Variants in SENP6 observed in about 807,000 individuals in gnomAD.
SENP6 encodes the protein sentrin-specific protease 6.
SENP6 carries 41 observed loss-of-function variants against 134.5 expected under a neutral mutation model. That is an observed-to-expected ratio of 0.30 (90% confidence interval 0.24 to 0.40). The LOEUF (loss-of-function observed/expected upper bound fraction) is 0.40, where lower values mean the gene tolerates loss of function less well. Among genes scored for constraint, SENP6 ranks in the 10% least tolerant of loss-of-function variants. SENP6 has a pLI of 1.00. For missense variants in SENP6, 1,248 were observed against 1,312.5 expected (o/e 0.95, Z 0.76); for synonymous variants, 395 against 429.8 (o/e 0.92, Z 1.00).
chr6:75,675,697 G>C (rs949707943), intron 12 of SENP6, 163 bp from the exon 13 acceptor site: 2 of 829,302 alleles, frequency 2.4e-6, no homozygotes, highest in Middle Eastern at 2.3e-4. Context: ...GTTTCTTTAA[G>C]GCAGTTATAA....
At chr6:75,699,030 GA>G (rs565707653) in intron 18 of SENP6, among the ~76,000 whole-genome samples, 9 of 148,636 alleles carry the variant, frequency 6.1e-5, no homozygotes, top group East Asian at 2.0e-4. Flanking sequence ...AAAAGGAAAA[GA>G]AAAAAAAAGA....
intron 5 of SENP6, among the ~76,000 whole-genome samples, chr6:75,639,250 G>A (rs767273603): frequency 2.0e-5 from 3 of 151,934 alleles, no homozygotes; most frequent in Admixed American, 6.6e-5. Flanking sequence ...ATTTTGCTTC[G>A]CTTCTTTAAT....
At chr6:75,694,440 T>C (rs1032769013) in intron 16 of SENP6, among the ~76,000 whole-genome samples, 2 of 152,244 alleles carry the variant, frequency 1.3e-5, no homozygotes, top group African/African-American at 4.8e-5. Context: ...ATAACAGCTT[T>C]ACTTAGATAT....
intron 19 of SENP6, among the ~76,000 whole-genome samples, chr6:75,706,256 G>C (rs145728379): frequency 1.3e-5 from 2 of 152,056 alleles, no homozygotes; most frequent in East Asian, 3.9e-4. Flanking sequence ...TTGAGATGAT[G>C]AAAAGGTTTA....
intron 16 of SENP6, 118 bp downstream of exon 16, chr6:75,679,045 G>A: frequency 1.7e-6 from 1 of 598,102 alleles, no homozygotes; most frequent in Non-Finnish European, 3.0e-6. Flanking sequence ...CACTTACTGT[G>A]TGACATTTGG....
chr6:75,684,683 T>A (rs1276154940), intron 16 of SENP6, among the ~76,000 whole-genome samples: 1 of 152,226 alleles, frequency 6.6e-6, no homozygotes, highest in African/African-American at 2.4e-5. Context: ...TGGTTCTGTT[T>A]ATACGATGGA....
rs1776022793 is a variant in SENP6 at position 75,716,407 on chromosome 6, T to TA, written c.*815dup. ...CAATCTGTGTCATATAGTTAATTGA[T>TA]AAGCATTTTTAATCTGTGTAAACAC... On this transcript the variant is annotated 3_prime_UTR_variant, in exon 24 of 24. Coordinates refer to ENST00000447266, the MANE Select transcript of SENP6 (RefSeq NM_015571.4). 1 of 152,030 alleles carries TA rather than the reference T, an allele frequency of 6.6e-6. No individual in the cohort carries two copies. The highest frequency in any genetic ancestry group is 6.6e-5 in the Admixed American group (1 of 15,262). 9.4% of individuals were successfully genotyped at this position (152,030 alleles called of 1,614,324 possible). A position where few individuals can be genotyped will look rare whatever the true frequency, so the allele number is the denominator to read the frequency against.
At chr6:75,631,483 C>A (rs1281184434) in intron 3 of SENP6, among the ~76,000 whole-genome samples, 1 of 152,144 alleles carries the variant, frequency 6.6e-6, no homozygotes, top group Non-Finnish European at 1.5e-5. Flanking sequence ...CAGGAGTTGT[C>A]ACATTAAGGC....
At chr6:75,634,342 G>T (rs1256983694) in intron 4 of SENP6, among the ~76,000 whole-genome samples, 1 of 152,044 alleles carries the variant, frequency 6.6e-6, no homozygotes, top group African/African-American at 2.4e-5. Flanking sequence ...CGCCTCCCGG[G>T]TTCAAGTGAT....
chr6:75,644,793 T>G (rs1770307554), intron 6 of SENP6, among the ~76,000 whole-genome samples: 1 of 152,154 alleles, frequency 6.6e-6, no homozygotes, highest in Non-Finnish European at 1.5e-5. Context: ...CCGGTAAATT[T>G]CTAAGGCTAG....
rs1776017455 is a variant in SENP6, at chr6:75,716,295, G to GAC, written c.*702_*703dup. On this transcript the variant is annotated 3_prime_UTR_variant, in exon 24 of 24. Coordinates refer to ENST00000447266, the MANE Select transcript of SENP6 (RefSeq NM_015571.4). Reference sequence around the variant, plus strand: ...CAAATGCATTTTTGAAGACATCAAAGACTCAGGTTAAAACTATTTTGGTAA... The same window carrying GAC: ...CAAATGCATTTTTGAAGACATCAAAGACACTCAGGTTAAAACTATTTTGGTAA... 1 of 151,844 alleles carries GAC rather than the reference G, an allele frequency of 6.6e-6. No homozygotes were observed. Among genetic ancestry groups the GAC allele is most frequent in the Non-Finnish European group, 1.5e-5 (1 of 67,828 alleles). The allele number at this position is 151,844 out of a possible 1,614,324, so 9.4% of individuals were successfully genotyped here.
Position 75,659,423 on chromosome 6 carries a change from ATTC to A in SENP6, c.696+19_696+21del, listed in dbSNP as rs745743296. The A allele has an allele frequency of 6.3e-7, 1 of 1,585,050 alleles. No individual in the cohort carries two copies. The highest frequency in any genetic ancestry group is 8.6e-7 in the Non-Finnish European group (1 of 1,159,358). Reference sequence around the variant, plus strand: ...CCATTTAGAGGTAAGTAGAGAAATTATTCTTTGTTGCTAATCAGATTGTGTTTT... The same window carrying A: ...CCATTTAGAGGTAAGTAGAGAAATTATTTGTTGCTAATCAGATTGTGTTTT... On this transcript the variant is annotated intron_variant, in intron 8 of 23. Transcript: ENST00000447266.
Position 75,677,197 on chromosome 6 carries a change from A to G in SENP6, c.1789A>G (p.Arg597Gly), listed in dbSNP as rs1773147478. The change falls in exon 14 of 24, where the codon AGA (arginine) becomes GGA (glycine). Residue 597 changes from arginine (R) to glycine (G), a missense_variant. Arg to Gly is a moderately radical substitution (Grantham distance 125). This residue lies in a region of SENP6 where 733 missense variants were observed against 725.4 expected (regional missense o/e 1.01). Coordinates refer to ENST00000447266, the MANE Select transcript of SENP6 (RefSeq NM_015571.4). ...TAATGGCAGACTTGTTGCCTGTACAAGAACCTATGAAGAGAGCATCAAAGG... is the reference window on the plus strand; with the variant it reads ...TAATGGCAGACTTGTTGCCTGTACAGGAACCTATGAAGAGAGCATCAAAGG... ...EANGRLVACTRTYEESIKGSC... is the reference protein window; with the variant it reads ...EANGRLVACTGTYEESIKGSC... 2 of 1,612,330 alleles carry G rather than the reference A, an allele frequency of 1.2e-6. No individual in the cohort carries two copies. Among genetic ancestry groups the G allele is most frequent in the African/African-American group, 1.3e-5 (1 of 74,906 alleles).
chr6:75,612,636 C>T (rs748285591), intron 1 of SENP6, among the ~76,000 whole-genome samples: 12 of 152,158 alleles, frequency 7.9e-5, no homozygotes, highest in South Asian at 4.2e-4. Flanking sequence ...CCCCATGAGA[C>T]GTAGAAATTA....
chr6:75,607,961 A>G (rs1271500999), intron 1 of SENP6, among the ~76,000 whole-genome samples: 1 of 152,134 alleles, frequency 6.6e-6, no homozygotes, highest in Non-Finnish European at 1.5e-5. Context: ...CAGGGTTTCT[A>G]GTTTCTGCCT....
rs781281421 is a variant in SENP6 at position 75,633,768 on chromosome 6, GA to G, written c.353+44del. 1,070 of 1,537,542 alleles carry G rather than the reference GA, an allele frequency of 7.0e-4. 1 individual carries two copies. Among genetic ancestry groups the G allele is most frequent in the Non-Finnish European group, 8.7e-4 (994 of 1,148,108 alleles). On this transcript the variant is annotated intron_variant, in intron 4 of 23. Coordinates refer to ENST00000447266, the MANE Select transcript of SENP6 (RefSeq NM_015571.4). ...ACACATTCCTACAGAAAAGATAAAGGAAGAGTTTGACACCAAAAACTTAGAA... is the reference window on the plus strand; with the variant it reads ...ACACATTCCTACAGAAAAGATAAAGGAGAGTTTGACACCAAAAACTTAGAA...
chr6:75,685,511 G>A (rs963826611), intron 16 of SENP6, among the ~76,000 whole-genome samples: 6 of 152,068 alleles, frequency 3.9e-5, no homozygotes, highest in African/African-American at 1.4e-4. Context: ...GCTTTCTCTT[G>A]TGGGCATTTA....
intron 11 of SENP6, among the ~76,000 whole-genome samples, chr6:75,673,755 T>C (rs1038839239): frequency 2.0e-5 from 3 of 152,070 alleles, no homozygotes; most frequent in African/African-American, 4.8e-5. Context: ...CAGCCAGGTG[T>C]GGTGGCTGTA....
At chr6:75,611,629 C>T (rs1457905888) in intron 1 of SENP6, 1 of 152,194 alleles carries the variant, frequency 6.6e-6, no homozygotes, top group Non-Finnish European at 1.5e-5. Context: ...TTATCTCATG[C>T]AGTCATTTCT....
Sources: allele counts gnomAD v4.1 joint callset (sites outside exome capture counted in the v4.1 genomes callset), GRCh38; gene constraint gnomAD v4.1.1; regional missense constraint gnomAD v4.1.1; transcripts MANE v1.5; gene names NCBI Gene and HGNC (gene_info 2026-07-23, HGNC 2026-07-21).